Variants in USP14 observed in about 807,000 individuals in gnomAD.
USP14 encodes ubiquitin specific peptidase 14.
A neutral mutation model predicts 76.5 loss-of-function variants in USP14; 38 were observed. The ratio of observed to expected loss-of-function variants is 0.50; its 90% CI spans 0.38 to 0.65. The LOEUF (loss-of-function observed/expected upper bound fraction) is 0.65, where lower values mean the gene tolerates loss of function less well. Ranked by LOEUF, USP14 falls within the 30% of genes least tolerant of loss-of-function variation. USP14 has a pLI of 0.00. For synonymous variants in USP14, 192 were observed against 191.7 expected, an observed-to-expected ratio of 1.00 and a Z score of -0.01; for missense variants, 467 against 586.5, an observed-to-expected ratio of 0.80 and a Z score of 2.10.
intron 3 of USP14, among the ~76,000 whole-genome samples, chr18:168,216 G>T (rs756500857): frequency 3.4e-4 from 52 of 151,946 alleles, no homozygotes; most frequent in Non-Finnish European, 1.3e-4. Flanking sequence ...GTGAGCCACC[G>T]CACCCGGCCA....
chr18:197,474 T>C, intron 7 of USP14, 142 bp from the exon 8 acceptor site: 4 of 614,670 alleles, frequency 6.5e-6, no homozygotes, highest in Non-Finnish European at 1.1e-5. Flanking sequence ...CTTTATTTTT[T>C]GGAAGATCGT....
chr18:182,309 C>A (rs1909809041), intron 5 of USP14, among the ~76,000 whole-genome samples: 2 of 152,078 alleles, frequency 1.3e-5, no homozygotes, highest in African/African-American at 4.8e-5. Flanking sequence ...ATTGTCAGTT[C>A]TTTATGATAG....
rs897662952 is a variant in USP14, at chr18:194,648, G to A, written c.463+1748G>A. Reference sequence around the variant, plus strand: ...AGACAATTCTTAATTTTCAGAATCTGGGCTGGGTGCGGTGGCTCATGCTTG... The same window carrying A: ...AGACAATTCTTAATTTTCAGAATCTAGGCTGGGTGCGGTGGCTCATGCTTG... On this transcript the variant is annotated intron_variant, in intron 6 of 15. Transcript: ENST00000261601. Among the ~76,000 whole-genome samples, 3 of 152,214 alleles carry A rather than the reference G, an allele frequency of 2.0e-5. No homozygotes were observed. In the South Asian group the frequency reaches 6.2e-4, roughly 32 times the overall value.
chr18:210,241 C>T, intron 14 of USP14, 145 bp from the exon 15 acceptor site: 2 of 705,200 alleles, frequency 2.8e-6, no homozygotes, highest in Admixed American at 3.2e-5. Flanking sequence ...AATCATGAAG[C>T]CTTAACTATG....
intron 3 of USP14, among the ~76,000 whole-genome samples, chr18:174,919 G>A (rs774164703): frequency 7.2e-5 from 11 of 152,078 alleles, no homozygotes. Flanking sequence ...GGGACTACAG[G>A]AATGTGCCAC....
intron 5 of USP14, among the ~76,000 whole-genome samples, chr18:188,832 T>C (rs1910008130): frequency 1.3e-5 from 2 of 151,870 alleles, no homozygotes; most frequent in South Asian, 4.2e-4. Flanking sequence ...CACCCGCCAC[T>C]ATGCCCAGCT....
Position 213,575 on chromosome 18 carries a change from G to C in USP14, c.*2291G>C, listed in dbSNP as rs1277435628. On this transcript the variant is annotated 3_prime_UTR_variant, in exon 16 of 16. Transcript: ENST00000261601. ...CCTTATATGCTGTGCCACTCACACC[G>C]AGGCCATCATCTCAACATTAGAGTT... The C allele has an allele frequency of 6.6e-6, 1 of 152,122 alleles. No homozygotes were observed. Among genetic ancestry groups the C allele is most frequent in the Non-Finnish European group, 1.5e-5 (1 of 67,982 alleles). The allele number at this position is 152,122 out of a possible 1,614,324, so 9.4% of individuals were successfully genotyped here.
Position 163,288 on chromosome 18 carries a change from A to G in USP14, c.17-20A>G, listed in dbSNP as rs750929486. ...TGTCTTGTTATTTTTTAATTAAAAAAATTGTGATTTTGTTTGCAGTTACTG... is the reference window on the plus strand; with the variant it reads ...TGTCTTGTTATTTTTTAATTAAAAAGATTGTGATTTTGTTTGCAGTTACTG... On this transcript the variant is annotated intron_variant, in intron 1 of 15. Transcript: ENST00000261601. 16 of 1,576,900 alleles carry G rather than the reference A, an allele frequency of 1.0e-5. No homozygotes were observed. The highest frequency in any genetic ancestry group is 9.2e-5 in the Admixed American group (5 of 54,504).
intron 2 of USP14, 79 bp from the exon 3 acceptor site, chr18:166,708 C>A: frequency 7.2e-7 from 1 of 1,380,600 alleles, no homozygotes; most frequent in Non-Finnish European, 1.0e-6. Flanking sequence ...TTTTGAAGTA[C>A]ATTAAAATAA....
intron 3 of USP14, among the ~76,000 whole-genome samples, chr18:169,436 C>T (rs62073488): frequency 0.03 from 4,560 of 150,134 alleles, 105 homozygotes; most frequent in Non-Finnish European, 0.046. Context: ...TATGAAAGAC[C>T]GTTACATTTT....
intron 3 of USP14, among the ~76,000 whole-genome samples, chr18:167,396 C>T (rs1245303029): frequency 2.6e-5 from 4 of 152,230 alleles, no homozygotes; most frequent in African/African-American, 4.8e-5. Flanking sequence ...GGAGAATAAA[C>T]ATCTTAACAA....
Position 213,604 on chromosome 18 carries a change from C to CTAGAT in USP14, c.*2323_*2327dup, listed in dbSNP as rs912723314. 2 of 152,346 alleles carry CTAGAT rather than the reference C, an allele frequency of 1.3e-5. No individual in the cohort carries two copies. Among genetic ancestry groups the CTAGAT allele is most frequent in the East Asian group, 3.9e-4 (2 of 5,174 alleles). The allele number at this position is 152,346 out of a possible 1,614,324, so 9.4% of individuals were successfully genotyped here. A position where few individuals can be genotyped will look rare whatever the true frequency, so the allele number is the denominator to read the frequency against. ...CCATCATCTCAACATTAGAGTTGTG[C>CTAGAT]TAGATTACTGCTTGACTGACTAGCT... On this transcript the variant is annotated 3_prime_UTR_variant, in exon 16 of 16. Coordinates refer to ENST00000261601, the MANE Select transcript of USP14 (RefSeq NM_005151.4).
At chr18:164,184 AT>A (rs1909202685) in intron 2 of USP14, among the ~76,000 whole-genome samples, 1 of 152,040 alleles carries the variant, frequency 6.6e-6, no homozygotes, top group African/African-American at 2.4e-5. Flanking sequence ...TATTAGTTTT[AT>A]TTTGTTTAGA....
chr18:207,680 A>T (rs1179997147), intron 13 of USP14, among the ~76,000 whole-genome samples: 2 of 105,984 alleles, frequency 1.9e-5, no homozygotes, highest in African/African-American at 5.9e-5. Context: ...CTGTGTCTCA[A>T]AAAATAAAAA....
intron 5 of USP14, among the ~76,000 whole-genome samples, chr18:190,355 G>T (rs528487613): frequency 1.3e-5 from 2 of 152,206 alleles, no homozygotes; most frequent in East Asian, 1.9e-4. Context: ...GTCATAAAAG[G>T]ATTTATATAT....
In USP14 at chr18:210,478, G is replaced by A; in HGVS notation, c.1318G>A (p.Val440Met). 6.2e-7 allele frequency: 1 copy of A among 1,605,820 alleles called. No individual in the cohort carries two copies. The highest frequency in any genetic ancestry group is 8.5e-7 in the Non-Finnish European group (1 of 1,174,554). ...TTCTTCAGGTCATTATGTATCATGG[G>A]TGAAAAGGAAACAAGGTAAAGGGTA... The part of the protein sequence containing the change: ...SSSSGHYVSW[V>M]KRKQDEWIKF... Residue 440 changes from valine (V) to methionine (M), a missense_variant, in exon 15 of 16, where the codon GTG becomes ATG. Transcript: ENST00000261601.
chr18:184,689 G>T (rs1909880118), intron 5 of USP14, among the ~76,000 whole-genome samples: 1 of 152,188 alleles, frequency 6.6e-6, no homozygotes, highest in South Asian at 2.1e-4. Context: ...GATTGCTTGA[G>T]CCTGGGAGGT....
rs747826208 is a variant in USP14, at chr18:158,721, C to G, written c.16+7C>G. The stretch of plus-strand genomic sequence containing the variant: ...GCCATGCCGCTCTACTCCGGTGAGC[C>G]CTGTCCTGGCCTCGCGCGCAGCACA... On this transcript the variant is annotated splice_region_variant and intron_variant, in intron 1 of 15. Coordinates refer to ENST00000261601, the MANE Select transcript of USP14 (RefSeq NM_005151.4). 1.3e-6 allele frequency: 2 copies of G among 1,512,166 alleles called. No homozygotes were observed. The highest frequency in any genetic ancestry group is 4.1e-5 in the Admixed American group (2 of 48,604). The allele number at this position is 1,512,166 out of a possible 1,614,324, so 93.7% of individuals were successfully genotyped here.
intron 3 of USP14, among the ~76,000 whole-genome samples, chr18:168,467 C>T (rs1909342311): frequency 6.6e-6 from 1 of 151,968 alleles, no homozygotes; most frequent in Admixed American, 6.5e-5. Context: ...CAGAGTCTTG[C>T]TTTGTCGCCC....
Sources: allele counts gnomAD v4.1 joint callset (sites outside exome capture counted in the v4.1 genomes callset), GRCh38; gene constraint gnomAD v4.1.1; transcripts MANE v1.5; gene names NCBI Gene and HGNC (gene_info 2026-07-23, HGNC 2026-07-21).